SCRT2: variants seen among roughly 807,000 people sequenced by gnomAD.
SCRT2 encodes the protein scratch family transcriptional repressor 2.
A neutral mutation model predicts 3.7 loss-of-function variants in SCRT2; 2 were observed. That is an observed-to-expected ratio of 0.54 (90% CI 0.22 to 1.70). The LOEUF (loss-of-function observed/expected upper bound fraction) is 1.70. Ranked by LOEUF, SCRT2 falls within the 40% of genes most tolerant of loss-of-function variation. The pLI, the probability that SCRT2 is intolerant of heterozygous loss-of-function variation, is 0.19. For missense variants in SCRT2, 456 were observed against 468.5 expected, an observed-to-expected ratio of 0.97 and a Z score of 0.25; for synonymous variants, 256 against 220.6, an observed-to-expected ratio of 1.16 and a Z score of -1.42.
In SCRT2 at chr20:663,197, G is replaced by T. The variant is rs1192498843; in HGVS notation, c.*474C>A. On this transcript the variant is annotated 3_prime_UTR_variant, in exon 2 of 2. Coordinates refer to ENST00000246104, the MANE Select transcript of SCRT2 (RefSeq NM_033129.4). The surrounding 1 kb of genome is among the most constrained non-coding windows in gnomAD (Gnocchi z 6.9). Reference sequence around the variant, plus strand: ...AGGGCGGCAGGGCCTGCGTCCAGGTGTGGATGGGGAAACTGAGGCAGGTAT... The same window carrying T: ...AGGGCGGCAGGGCCTGCGTCCAGGTTTGGATGGGGAAACTGAGGCAGGTAT... The T allele has an allele frequency of 6.3e-6, 1 of 158,812 alleles. No individual in the cohort carries two copies. Among genetic ancestry groups the T allele is most frequent in the African/African-American group, 2.4e-5 (1 of 41,658 alleles). 9.8% of individuals were successfully genotyped at this position (158,812 alleles called of 1,614,324 possible).
Position 665,888 on chromosome 20 carries a change from G to A in SCRT2, c.134-1427C>T, listed in dbSNP as rs890349229. 6.6e-5 allele frequency among the ~76,000 whole-genome samples: 10 copies of A among 152,148 alleles called. No homozygotes were observed. The highest frequency in any genetic ancestry group is 2.4e-4 in the African/African-American group (10 of 41,420). Reference sequence around the variant, plus strand: ...CCTTCACTGAAGTGAGCAGGTGGAGGAGGGTTTTGTAAGGGGAAACAGGGT... The same window carrying A: ...CCTTCACTGAAGTGAGCAGGTGGAGAAGGGTTTTGTAAGGGGAAACAGGGT... On this transcript the variant is annotated intron_variant, in intron 1 of 1. Transcript: ENST00000246104. The surrounding 1 kb of genome is among the most constrained non-coding windows in gnomAD (Gnocchi z 5.0).
chr20:665,378 T>A lies in SCRT2; in HGVS notation c.134-917A>T, dbSNP rs115120308. Reference sequence around the variant, plus strand: ...TTTAACAGGGGTCAAGTGTGTGGCATGTAATAGGTGCTACAGAAAGGGGAC... The same window carrying A: ...TTTAACAGGGGTCAAGTGTGTGGCAAGTAATAGGTGCTACAGAAAGGGGAC... On this transcript the variant is annotated intron_variant, in intron 1 of 1. Coordinates refer to ENST00000246104, the MANE Select transcript of SCRT2 (RefSeq NM_033129.4). This position sits in a 1 kb window ranked among gnomAD's most constrained non-coding sequence, Gnocchi z 5.0. Among the ~76,000 whole-genome samples, 1 of 152,166 alleles carries A rather than the reference T, an allele frequency of 6.6e-6. No individual in the cohort carries two copies. The highest frequency in any genetic ancestry group is 2.4e-5 in the African/African-American group (1 of 41,442).
At position 663,518 on chromosome 20, in the gene SCRT2, G is replaced by T; in HGVS notation, c.*153C>A. ...GAAGTGAGTCGTGGGTTTGGGGGTT[G>T]GGGAGAAAAGTTCCGGGCCGGGCCG... is the stretch of plus-strand genomic sequence containing the variant. On this transcript the variant is annotated 3_prime_UTR_variant, in exon 2 of 2. Transcript: ENST00000246104. The surrounding 1 kb of genome is among the most constrained non-coding windows in gnomAD (Gnocchi z 6.9). The T allele has an allele frequency of 1.6e-6, 1 of 618,692 alleles. No homozygotes were observed. Among genetic ancestry groups the T allele is most frequent in the Non-Finnish European group, 2.4e-6 (1 of 423,324 alleles). 38.3% of individuals were successfully genotyped at this position (618,692 alleles called of 1,614,324 possible). A position where few individuals can be genotyped will look rare whatever the true frequency, so the allele number is the denominator to read the frequency against.
chr20:674,681 G>T (rs1984463059), intron 1 of SCRT2, among the ~76,000 whole-genome samples: 1 of 146,618 alleles, frequency 6.8e-6, no homozygotes, highest in African/African-American at 2.5e-5. Flanking sequence ...GTTCTGAGAA[G>T]AGATGGAGTG....
intron 1 of SCRT2, among the ~76,000 whole-genome samples, chr20:668,750 G>A (rs1462707882): frequency 2.0e-5 from 3 of 152,184 alleles, no homozygotes; most frequent in Non-Finnish European, 2.9e-5. Context: ...TTTAAAAATC[G>A]GTACTCAAAG....
rs1335317097 is a variant in SCRT2, at chr20:664,686, G to A, written c.134-225C>T. On this transcript the variant is annotated intron_variant, in intron 1 of 1. Transcript: ENST00000246104. The surrounding 1 kb of genome is among the most constrained non-coding windows in gnomAD (Gnocchi z 7.9). Reference sequence around the variant, plus strand: ...GCCGCCACCCCAACCCACGGAGCATGGGGCCAGCACGGTTGTACAGAGCGT... The same window carrying A: ...GCCGCCACCCCAACCCACGGAGCATAGGGCCAGCACGGTTGTACAGAGCGT... Among the ~76,000 whole-genome samples, 3 of 152,236 alleles carry A rather than the reference G, an allele frequency of 2.0e-5. No individual in the cohort carries two copies. The highest frequency in any genetic ancestry group is 4.4e-5 in the Non-Finnish European group (3 of 68,038).
chr20:671,892 G>A (rs1387566555), intron 1 of SCRT2, among the ~76,000 whole-genome samples: 1 of 152,158 alleles, frequency 6.6e-6, no homozygotes, highest in African/African-American at 2.4e-5. Flanking sequence ...GAGTTAAGGT[G>A]GAGGGGAGGC....
chr20:663,647 G>C lies in SCRT2; in HGVS notation c.*24C>G. The stretch of plus-strand genomic sequence containing the variant: ...CCGGGGCGCGTGGAGAGCGAGTTCC[G>C]GGCGCGAGGGCGAGGCGGAAGGCTC... On this transcript the variant is annotated 3_prime_UTR_variant, in exon 2 of 2. Transcript: ENST00000246104. This position sits in a 1 kb window ranked among gnomAD's most constrained non-coding sequence, Gnocchi z 6.9. The C allele has an allele frequency of 2.2e-6, 3 of 1,382,536 alleles. No individual in the cohort carries two copies. The highest frequency in any genetic ancestry group is 1.9e-6 in the Non-Finnish European group (2 of 1,076,102). 85.6% of individuals were successfully genotyped at this position (1,382,536 alleles called of 1,614,324 possible). A position where few individuals can be genotyped will look rare whatever the true frequency, so the allele number is the denominator to read the frequency against.
At chr20:673,333 G>A (rs1984406279) in intron 1 of SCRT2, among the ~76,000 whole-genome samples, 1 of 152,236 alleles carries the variant, frequency 6.6e-6, no homozygotes, top group Admixed American at 6.5e-5. Flanking sequence ...GACCTTCACA[G>A]AAGCTGAGCT....
rs916664060 is a variant in SCRT2 at position 675,147 on chromosome 20, C to T, written c.133+322G>A. ...TCAAAGTGCCTTGTGCCTCAGTGCCCAGCGCTGGCCTTTCACGAGCAGCCC... is the reference window on the plus strand; with the variant it reads ...TCAAAGTGCCTTGTGCCTCAGTGCCTAGCGCTGGCCTTTCACGAGCAGCCC... On this transcript the variant is annotated intron_variant, in intron 1 of 1. Coordinates refer to ENST00000246104, the MANE Select transcript of SCRT2 (RefSeq NM_033129.4). This position sits in a 1 kb window ranked among gnomAD's most constrained non-coding sequence, Gnocchi z 6.9. 8.5e-5 allele frequency among the ~76,000 whole-genome samples: 13 copies of T among 152,160 alleles called. No individual in the cohort carries two copies. The highest frequency in any genetic ancestry group is 1.9e-4 in the Non-Finnish European group (13 of 68,018).
intron 1 of SCRT2, among the ~76,000 whole-genome samples, chr20:669,555 G>T (rs1351978901): frequency 2.0e-5 from 3 of 152,202 alleles, no homozygotes; most frequent in Non-Finnish European, 4.4e-5. Flanking sequence ...GGGGCCTGGT[G>T]GGGGGCCAGC....
At chr20:670,394 G>A (rs2122353439) in intron 1 of SCRT2, among the ~76,000 whole-genome samples, 1 of 152,248 alleles carries the variant, frequency 6.6e-6, no homozygotes, top group African/African-American at 2.4e-5. Flanking sequence ...CCTATCCAAA[G>A]GCTGGCCTGG....
At chr20:671,660 G>A (rs559094107) in intron 1 of SCRT2, among the ~76,000 whole-genome samples, 22 of 152,326 alleles carry the variant, frequency 1.4e-4, no homozygotes, top group Non-Finnish European at 3.1e-4. Flanking sequence ...GGAAGTGGGC[G>A]CTGGTTTAAT....
chr20:668,499 A>G (rs368716528), intron 1 of SCRT2, among the ~76,000 whole-genome samples: 9 of 152,222 alleles, frequency 5.9e-5, no homozygotes, highest in African/African-American at 1.9e-4. Context: ...ATCTCAGGTG[A>G]GATCTCTCAT....
At chr20:668,356 A>C (rs1426984995) in intron 1 of SCRT2, among the ~76,000 whole-genome samples, 2 of 152,218 alleles carry the variant, frequency 1.3e-5, no homozygotes, top group African/African-American at 4.8e-5. Flanking sequence ...TGGAACCCAG[A>C]CAGGTACCTT....
At position 664,194 on chromosome 20, in the gene SCRT2, T is replaced by C. The variant is rs1984070737; in HGVS notation, c.401A>G (p.Asp134Gly). The C allele has an allele frequency of 9.2e-7, 1 of 1,081,226 alleles. No individual in the cohort carries two copies. Among genetic ancestry groups the C allele is most frequent in the African/African-American group, 1.7e-5 (1 of 59,058 alleles). 67.0% of individuals were successfully genotyped at this position (1,081,226 alleles called of 1,614,324 possible). A position where few individuals can be genotyped will look rare whatever the true frequency, so the allele number is the denominator to read the frequency against. Residue 134 changes from aspartate (D) to glycine (G), a missense_variant, in exon 2 of 2, where the codon GAC becomes GGC. Asp to Gly is a moderately conservative substitution (Grantham distance 94). Around this residue, in one of 3 missense-constraint regions of SCRT2, gnomAD observed 306 missense variants for 305.3 expected, o/e 1.00. Coordinates refer to ENST00000246104, the MANE Select transcript of SCRT2 (RefSeq NM_033129.4). The surrounding 1 kb of genome is among the most constrained non-coding windows in gnomAD (Gnocchi z 7.9). ...CGCGCGCCCCCCGGCGCCCCCCGCG[T>C]CTCCCGAGCCCCCCGCGTCCCCGCC... ...GGGGDAGGSG[D>G]AGGAGGRAGR...
At chr20:669,751 T>A (rs554190090) in intron 1 of SCRT2, among the ~76,000 whole-genome samples, 1 of 152,360 alleles carries the variant, frequency 6.6e-6, no homozygotes, top group South Asian at 2.1e-4. Context: ...TAAAAATAGT[T>A]TCTCCTGTCT....
In SCRT2 at chr20:663,375, A is replaced by C; in HGVS notation, c.*296T>G. 1 of 339,694 alleles carries C rather than the reference A, an allele frequency of 2.9e-6. No individual in the cohort carries two copies. The allele number at this position is 339,694 out of a possible 1,614,324, so 21.0% of individuals were successfully genotyped here. A position where few individuals can be genotyped will look rare whatever the true frequency, so the allele number is the denominator to read the frequency against. On this transcript the variant is annotated 3_prime_UTR_variant, in exon 2 of 2. Transcript: ENST00000246104. This position sits in a 1 kb window ranked among gnomAD's most constrained non-coding sequence, Gnocchi z 6.9. ...GAAATTTCCGGCTCTGGGGCGCGGGAGAGGTGCGGACCTGGTGCCTGAGTT... is the reference window on the plus strand; with the variant it reads ...GAAATTTCCGGCTCTGGGGCGCGGGCGAGGTGCGGACCTGGTGCCTGAGTT...
chr20:663,528 G>T lies in SCRT2; in HGVS notation c.*143C>A. On this transcript the variant is annotated 3_prime_UTR_variant, in exon 2 of 2. Coordinates refer to ENST00000246104, the MANE Select transcript of SCRT2 (RefSeq NM_033129.4). The surrounding 1 kb of genome is among the most constrained non-coding windows in gnomAD (Gnocchi z 6.9). The stretch of plus-strand genomic sequence containing the variant: ...GTGGGTTTGGGGGTTGGGGAGAAAA[G>T]TTCCGGGCCGGGCCGGGGGTCCCCA... 1.3e-6 allele frequency: 1 copy of T among 748,546 alleles called. No homozygotes were observed. Among genetic ancestry groups the T allele is most frequent in the Non-Finnish European group, 1.8e-6 (1 of 541,094 alleles). The allele number at this position is 748,546 out of a possible 1,614,324, so 46.4% of individuals were successfully genotyped here. A position where few individuals can be genotyped will look rare whatever the true frequency, so the allele number is the denominator to read the frequency against.
Sources: allele counts gnomAD v4.1 joint callset (sites outside exome capture counted in the v4.1 genomes callset), GRCh38; gene constraint gnomAD v4.1.1; regional missense constraint gnomAD v4.1.1; non-coding constraint Gnocchi (gnomAD v3.1); transcripts MANE v1.5; gene names NCBI Gene and HGNC (gene_info 2026-07-23, HGNC 2026-07-21).